Variants in AGBL4 observed in about 807,000 individuals in gnomAD.
AGBL4 encodes cytosolic carboxypeptidase 6.
Under a neutral mutation model 66.4 loss-of-function variants are expected in AGBL4, and 58 were observed. That is an observed-to-expected ratio of 0.87 (90% CI 0.71 to 1.09). The LOEUF (loss-of-function observed/expected upper bound fraction) is 1.09. AGBL4 is among the 50% of genes least tolerant of loss of function. AGBL4 has a pLI of 0.00. For synonymous variants in AGBL4, 234 were observed against 222.9 expected (o/e 1.05, Z -0.44); for missense variants, 579 against 631.0 (o/e 0.92, Z 0.88).
At chr1:49,941,300 C>T (rs1654735751) in intron 1 of AGBL4, among the ~76,000 whole-genome samples, 1 of 152,164 alleles carries the variant, frequency 6.6e-6, no homozygotes, top group South Asian at 2.1e-4. Context: ...AAAAACTTCA[C>T]AGAGGAGAGC....
intron 6 of AGBL4, among the ~76,000 whole-genome samples, chr1:48,668,055 T>G (rs1190793712): frequency 6.6e-6 from 1 of 152,158 alleles, no homozygotes; most frequent in African/African-American, 2.4e-5. Context: ...GCCTTTTTTA[T>G]TTCCTTGACT....
At chr1:48,759,483 G>C in intron 6 of AGBL4, 1 of 1,101,494 alleles carries the variant, frequency 9.1e-7, no homozygotes, top group Non-Finnish European at 1.2e-6. Flanking sequence ...ATGGGGTTCC[G>C]AGTGGGGAAG....
chr1:50,013,909 C>T (rs1222928301), intron 1 of AGBL4, among the ~76,000 whole-genome samples: 2 of 152,172 alleles, frequency 1.3e-5, no homozygotes, highest in Non-Finnish European at 2.9e-5. Context: ...CACCTCACAA[C>T]CCTATTTGAT....
chr1:49,768,533 A>T (rs1571525167), intron 2 of AGBL4, among the ~76,000 whole-genome samples: 1 of 152,188 alleles, frequency 6.6e-6, no homozygotes, highest in Non-Finnish European at 1.5e-5. Context: ...CATCCAAATG[A>T]TAAGAGCCAT....
chr1:48,860,329 A>G (rs576813713), intron 6 of AGBL4, among the ~76,000 whole-genome samples: 1 of 152,368 alleles, frequency 6.6e-6, no homozygotes, highest in East Asian at 1.9e-4. Flanking sequence ...AAATGAAACT[A>G]TATTGTTGGG....
intron 4 of AGBL4, among the ~76,000 whole-genome samples, chr1:49,080,348 A>T (rs371171818): frequency 2.6e-5 from 4 of 152,204 alleles, no homozygotes; most frequent in East Asian, 3.8e-4. Context: ...CTGGAAGCAT[A>T]AAGAGAAAAG....
intron 3 of AGBL4, among the ~76,000 whole-genome samples, chr1:49,251,536 C>T (rs1652059634): frequency 6.6e-6 from 1 of 152,186 alleles, no homozygotes; most frequent in Admixed American, 6.5e-5. Flanking sequence ...CAGACCTGTG[C>T]CAGCCAGAAC....
intron 2 of AGBL4, among the ~76,000 whole-genome samples, chr1:49,741,935 G>A (rs1205316482): frequency 6.6e-6 from 1 of 151,974 alleles, no homozygotes; most frequent in Non-Finnish European, 1.5e-5. Flanking sequence ...CAAACCCACA[G>A]CCAATATCAT....
intron 1 of AGBL4, among the ~76,000 whole-genome samples, chr1:49,926,555 T>C (rs1652795620): frequency 6.6e-6 from 1 of 152,102 alleles, no homozygotes; most frequent in Non-Finnish European, 1.5e-5. Flanking sequence ...GTGAACTACA[T>C]AAGGCACTAG....
intron 3 of AGBL4, among the ~76,000 whole-genome samples, chr1:49,694,174 A>C: frequency 6.6e-6 from 1 of 152,224 alleles, no homozygotes. Flanking sequence ...TAGTACCAAG[A>C]CCTAAATAAC....
At chr1:48,951,360 GA>G (rs1656973078) in intron 5 of AGBL4, among the ~76,000 whole-genome samples, 1 of 152,176 alleles carries the variant, frequency 6.6e-6, no homozygotes, top group Non-Finnish European at 1.5e-5. Context: ...AGTTGGAGGG[GA>G]AGCTCCTGTG....
At chr1:49,069,288 A>G (rs1010599713) in intron 4 of AGBL4, among the ~76,000 whole-genome samples, 2 of 152,138 alleles carry the variant, frequency 1.3e-5, no homozygotes, top group African/African-American at 4.8e-5. Context: ...TTGGTGTTTT[A>G]AGCATGAAGT....
intron 4 of AGBL4, among the ~76,000 whole-genome samples, chr1:49,108,977 T>C (rs1307448894): frequency 3.3e-5 from 5 of 152,120 alleles, no homozygotes; most frequent in Non-Finnish European, 7.4e-5. Context: ...TTCATCCAGT[T>C]ACCTACCTGA....
intron 1 of AGBL4, among the ~76,000 whole-genome samples, chr1:50,013,791 A>C (rs1661727648): frequency 6.6e-6 from 1 of 152,198 alleles, no homozygotes; most frequent in Admixed American, 6.5e-5. Context: ...ACATGACTGG[A>C]GAAGATCTTT....
intron 6 of AGBL4, among the ~76,000 whole-genome samples, chr1:48,737,162 T>C (rs765118411): frequency 2.6e-5 from 4 of 152,136 alleles, no homozygotes; most frequent in Non-Finnish European, 5.9e-5. Context: ...CACGCACCTG[T>C]AGTCCCAGCT....
chr1:49,762,984 T>C (rs1652455573), intron 2 of AGBL4, among the ~76,000 whole-genome samples: 4 of 152,216 alleles, frequency 2.6e-5, no homozygotes, highest in Admixed American at 6.5e-5. Flanking sequence ...ATTTCTCCTG[T>C]TTTCTTCTAG....
chr1:49,221,676 A>AT (rs1027663974), intron 4 of AGBL4, among the ~76,000 whole-genome samples: 2 of 151,732 alleles, frequency 1.3e-5, no homozygotes, highest in African/African-American at 2.4e-5. Flanking sequence ...TTAAAAATTT[A>AT]TTTTTTTTCA....
At position 49,738,683 on chromosome 1, in the gene AGBL4, G is replaced by A. The variant is rs529897201; in HGVS notation, c.158-41246C>T. Among the ~76,000 whole-genome samples, 14 of 152,304 alleles carry A rather than the reference G, an allele frequency of 9.2e-5. 1 individual carries two copies. In the South Asian group the frequency reaches 2.9e-3, roughly 32 times the overall value. ...TAGGGGCAGACTGACACCTCACACG[G>A]CCGGGTACTCCTCTGAGACAAAACT... On this transcript the variant is annotated intron_variant, in intron 2 of 13. Transcript: ENST00000371839.
At chr1:49,667,853 A>G (rs1308837152) in intron 3 of AGBL4, among the ~76,000 whole-genome samples, 1 of 152,206 alleles carries the variant, frequency 6.6e-6, no homozygotes, top group Admixed American at 6.5e-5. Flanking sequence ...CAGAGACATG[A>G]AAGACCAACA....
Sources: gnomAD v4.1 joint callset for allele counts (sites outside exome capture counted in the v4.1 genomes callset) on GRCh38, gnomAD v4.1.1 for gene constraint, MANE v1.5 for transcripts, NCBI Gene and HGNC (gene_info 2026-07-23, HGNC 2026-07-21) for gene names.